Variants in GULP1 observed in about 807,000 individuals in gnomAD.
GULP1 encodes PTB domain-containing engulfment adapter protein 1.
Under a neutral mutation model 40.9 loss-of-function variants are expected in GULP1, and 19 were observed. That is an observed-to-expected ratio of 0.46 (90% CI 0.32 to 0.68). GULP1 has a LOEUF of 0.68. GULP1 is among the 30% of genes least tolerant of loss of function. The pLI, the probability that GULP1 is intolerant of heterozygous loss-of-function variation, is 0.03. For synonymous variants in GULP1, 119 were observed against 117.6 expected (o/e 1.01, Z -0.08); for missense variants, 312 against 362.2 (o/e 0.86, Z 1.12).
chr2:188,307,117 A>G (rs1394283264), intron 1 of GULP1, among the ~76,000 whole-genome samples: 1 of 152,204 alleles, frequency 6.6e-6, no homozygotes, highest in African/African-American at 2.4e-5. Context: ...TGGTCAATAA[A>G]TGATAGCTAG....
chr2:188,429,964 C>T (rs540660264), intron 2 of GULP1, among the ~76,000 whole-genome samples: 2 of 152,258 alleles, frequency 1.3e-5, no homozygotes, highest in South Asian at 2.1e-4. Flanking sequence ...CTGCCTCGGC[C>T]TCCCAAAGTG....
intron 2 of GULP1, among the ~76,000 whole-genome samples, chr2:188,429,956 G>A (rs1435721242): frequency 1.3e-5 from 2 of 152,068 alleles, no homozygotes; most frequent in African/African-American, 4.8e-5. Flanking sequence ...TGATCCACCT[G>A]CCTCGGCCTC....
intron 4 of GULP1, among the ~76,000 whole-genome samples, chr2:188,503,354 G>C (rs2153166166): frequency 6.6e-6 from 1 of 151,916 alleles, no homozygotes; most frequent in East Asian, 1.9e-4. Flanking sequence ...GGAGACCTCA[G>C]GAAACTTATA....
chr2:188,430,852 A>T (rs941069589), intron 2 of GULP1, among the ~76,000 whole-genome samples: 4 of 152,202 alleles, frequency 2.6e-5, no homozygotes, highest in Non-Finnish European at 4.4e-5. Context: ...ACTGTAGATT[A>T]TAAGACTCCC....
At chr2:188,345,610 T>C (rs573817695) in intron 1 of GULP1, among the ~76,000 whole-genome samples, 1 of 152,300 alleles carries the variant, frequency 6.6e-6, no homozygotes, top group South Asian at 2.1e-4. Context: ...ATAAAGTAAG[T>C]TGCTGTGGTT....
chr2:188,381,127 G>A (rs1298855124), intron 1 of GULP1, among the ~76,000 whole-genome samples: 2 of 152,038 alleles, frequency 1.3e-5, no homozygotes, highest in Non-Finnish European at 1.5e-5. Flanking sequence ...CAGCCCCTAA[G>A]CCAGTCTGAG....
chr2:188,417,395 G>A (rs2054723874), intron 2 of GULP1, among the ~76,000 whole-genome samples: 1 of 152,086 alleles, frequency 6.6e-6, no homozygotes, highest in African/African-American at 2.4e-5. Context: ...TCTAGATTAT[G>A]GAAATAACTC....
At chr2:188,337,918 C>T (rs1047104175) in intron 1 of GULP1, among the ~76,000 whole-genome samples, 2 of 151,848 alleles carry the variant, frequency 1.3e-5, no homozygotes, top group Non-Finnish European at 2.9e-5. Flanking sequence ...TGTCTGTGTC[C>T]GAGAAGCACT....
At chr2:188,390,843 A>G (rs955927290) in intron 2 of GULP1, among the ~76,000 whole-genome samples, 1 of 152,022 alleles carries the variant, frequency 6.6e-6, no homozygotes, top group Admixed American at 6.6e-5. Flanking sequence ...GTAGCTATCC[A>G]GTTTTCCCAG....
chr2:188,452,031 T>C (rs934147628), intron 2 of GULP1, among the ~76,000 whole-genome samples: 1 of 152,184 alleles, frequency 6.6e-6, no homozygotes, highest in African/African-American at 2.4e-5. Context: ...ATTTTTATAA[T>C]TTTGGATCAC....
intron 4 of GULP1, among the ~76,000 whole-genome samples, chr2:188,517,591 G>A (rs935386198): frequency 6.6e-6 from 1 of 151,870 alleles, no homozygotes; most frequent in African/African-American, 2.4e-5. Flanking sequence ...ATTTAAGATC[G>A]ACTCACTCAA....
chr2:188,365,426 A>C (rs1189123968), intron 1 of GULP1, among the ~76,000 whole-genome samples: 1 of 152,194 alleles, frequency 6.6e-6, no homozygotes. Context: ...TTTTGTGCCT[A>C]CTGGCTAATA....
chr2:188,304,377 C>A (rs771856992), intron 1 of GULP1, among the ~76,000 whole-genome samples: 8 of 152,032 alleles, frequency 5.3e-5, no homozygotes, highest in Admixed American at 1.3e-4. Flanking sequence ...ATTTTTCGAA[C>A]CAGAGAGTAA....
At chr2:188,403,424 G>C (rs114132456) in intron 2 of GULP1, among the ~76,000 whole-genome samples, 1,855 of 152,150 alleles carry the variant, frequency 0.012, 16 homozygotes, top group East Asian at 0.022. Flanking sequence ...ATAATGAAGT[G>C]ATTCAAAGAA....
At chr2:188,353,016 T>C (rs1455570871) in intron 1 of GULP1, among the ~76,000 whole-genome samples, 1 of 152,084 alleles carries the variant, frequency 6.6e-6, no homozygotes, top group Non-Finnish European at 1.5e-5. Flanking sequence ...GGCAGAAACA[T>C]GAGCTAAGTT....
chr2:188,330,717 C>T (rs1404709299), intron 1 of GULP1, among the ~76,000 whole-genome samples: 1 of 152,120 alleles, frequency 6.6e-6, no homozygotes, highest in Non-Finnish European at 1.5e-5. Flanking sequence ...AATATTTTGT[C>T]ACCAACAAGC....
chr2:188,594,062 G>T lies in GULP1; in HGVS notation c.*51G>T. The T allele has an allele frequency of 3.3e-6, 3 of 898,784 alleles. No homozygotes were observed. The highest frequency in any genetic ancestry group is 5.5e-6 in the Non-Finnish European group (3 of 543,106). 55.7% of individuals were successfully genotyped at this position (898,784 alleles called of 1,614,324 possible). ...ATGTTAAATGTGTTTGTATACACAT[G>T]TCATTTATTATTATTACTTTAAGAT... is the stretch of plus-strand genomic sequence containing the variant. On this transcript the variant is annotated 3_prime_UTR_variant, in exon 12 of 12. Coordinates refer to ENST00000409830, the MANE Select transcript of GULP1 (RefSeq NM_016315.4).
chr2:188,450,338 A>T (rs145776552), intron 2 of GULP1, among the ~76,000 whole-genome samples: 3 of 152,172 alleles, frequency 2.0e-5, no homozygotes, highest in African/African-American at 7.2e-5. Context: ...ATAATAAATA[A>T]CAGTTAAGTG....
At chr2:188,461,185 G>C (rs186276440) in intron 2 of GULP1, among the ~76,000 whole-genome samples, 2 of 152,058 alleles carry the variant, frequency 1.3e-5, no homozygotes, top group Non-Finnish European at 2.9e-5. Flanking sequence ...AATGAATTTG[G>C]AAGTATTCCC....
Sources: gnomAD v4.1 joint callset for allele counts (sites outside exome capture counted in the v4.1 genomes callset) on GRCh38, gnomAD v4.1.1 for gene constraint, MANE v1.5 for transcripts, NCBI Gene and HGNC (gene_info 2026-07-23, HGNC 2026-07-21) for gene names.